The following USP34 variants were observed in gnomAD, a reference collection of about 807,000 sequenced individuals.
USP34 encodes the protein ubiquitin specific peptidase 34.
A neutral mutation model predicts 460.3 loss-of-function variants in USP34; 70 were observed. That is an observed-to-expected ratio of 0.15 (90% CI 0.13 to 0.19). USP34 has a LOEUF of 0.19. USP34 is among the 10% of genes least tolerant of loss of function. The pLI, the probability that USP34 is intolerant of heterozygous loss-of-function variation, is 1.00. For synonymous variants in USP34, 1,647 were observed against 1,405.3 expected (o/e 1.17, Z -3.85); for missense variants, 3,985 against 4,236.2 (o/e 0.94, Z 1.65).
chr2:61,410,645 G>T (rs535984385), intron 2 of USP34, among the ~76,000 whole-genome samples: 1 of 152,122 alleles, frequency 6.6e-6, no homozygotes, highest in South Asian at 2.1e-4. Flanking sequence ...ACCAAAACCA[G>T]CTTGATTTTA....
chr2:61,206,944 A>G (rs1045981992), intron 70 of USP34, 58 bp from the exon 71 acceptor site: 7 of 1,563,808 alleles, frequency 4.5e-6, no homozygotes, highest in Non-Finnish European at 6.1e-6. Context: ...CTGAGCCACA[A>G]AATGGTAGTA....
chr2:61,229,493 A>G, intron 59 of USP34, 55 bp downstream of exon 59: 1 of 1,087,962 alleles, frequency 9.2e-7, no homozygotes, highest in Non-Finnish European at 1.3e-6. Flanking sequence ...AAAAAACAAA[A>G]ACACCACACA....
intron 10 of USP34, among the ~76,000 whole-genome samples, chr2:61,354,652 G>GA (rs1692051823): frequency 6.6e-6 from 1 of 152,166 alleles, no homozygotes; most frequent in Non-Finnish European, 1.5e-5. Context: ...AGCCTGAGCC[G>GA]AAAAGAGTAG....
At chr2:61,360,020 C>T (rs796236205) in intron 10 of USP34, among the ~76,000 whole-genome samples, 2 of 151,788 alleles carry the variant, frequency 1.3e-5, no homozygotes, top group African/African-American at 2.4e-5. Context: ...CCTGACCTCA[C>T]GATCCACCCG....
chr2:61,395,824 G>T (rs1387993558), intron 3 of USP34, among the ~76,000 whole-genome samples: 2 of 150,586 alleles, frequency 1.3e-5, no homozygotes, highest in African/African-American at 4.9e-5. Flanking sequence ...CCAGCACTTT[G>T]GGAGGCCGAG....
intron 33 of USP34, 46 bp from the exon 34 acceptor site, chr2:61,288,923 G>A: frequency 1.3e-6 from 2 of 1,578,410 alleles, no homozygotes; most frequent in Non-Finnish European, 1.7e-6. Context: ...CATTAATTTA[G>A]AATGGCCACA....
chr2:61,203,087 A>T (rs1324601777), intron 75 of USP34, 53 bp downstream of exon 75: 12 of 1,453,748 alleles, frequency 8.3e-6, no homozygotes, highest in Non-Finnish European at 2.7e-6. Flanking sequence ...TTCCTGAATG[A>T]CTAGGGGCTT....
rs1691519182 is a variant in USP34, at chr2:61,339,355, T to A, written c.2740A>T (p.Asn914Tyr). 6.2e-7 allele frequency: 1 copy of A among 1,607,424 alleles called. No homozygotes were observed. The highest frequency in any genetic ancestry group is 1.3e-5 in the African/African-American group (1 of 74,564). Residue 914 changes from asparagine to tyrosine, a missense_variant, in exon 18 of 80, where the codon AAC becomes TAC. Physicochemically the swap from Asn to Tyr is moderately radical, Grantham distance 143 (BLOSUM62 -2). Around this residue, in one of 14 missense-constraint regions of USP34, gnomAD observed 46 missense variants for 83.1 expected, o/e 0.55. Coordinates refer to ENST00000398571, the MANE Select transcript of USP34 (RefSeq NM_014709.4). ...AATTTTTAAATTCCTCTTTACCTGT[T>A]GTTTCCCAAGTTTTCAAGGCAACCT... Reference protein sequence around the residue: ...IEGCLENLGNNRSVVISLRLL... With the variant: ...IEGCLENLGNYRSVVISLRLL...
At position 61,206,111 on chromosome 2, in the gene USP34, T is replaced by G; in HGVS notation, c.9060A>C (p.Ala3020=). The G allele has an allele frequency of 6.2e-7, 1 of 1,613,674 alleles. No homozygotes were observed. Among genetic ancestry groups the G allele is most frequent in the Non-Finnish European group, 8.5e-7 (1 of 1,179,730 alleles). The change falls in exon 72 of 80, where the codon GCA becomes GCC. Residue 3020 remains alanine, a synonymous_variant. Coordinates refer to ENST00000398571, the MANE Select transcript of USP34 (RefSeq NM_014709.4). ...CAATTCGCTCCTGCCACTGGATTAA[T>G]GCTTGTTTCACATCTGCAAATATAA... The part of the protein sequence containing the change: ...PYLQRKDVKQ[A]LIQWQERIEF...
intron 41 of USP34, among the ~76,000 whole-genome samples, chr2:61,273,361 G>C (rs1295080192): frequency 1.3e-5 from 2 of 152,060 alleles, no homozygotes; most frequent in Admixed American, 1.3e-4. Context: ...TAGATGAACT[G>C]ATTCTAAAGT....
intron 16 of USP34, among the ~76,000 whole-genome samples, chr2:61,342,147 T>C (rs1018366712): frequency 1.3e-5 from 2 of 152,150 alleles, no homozygotes; most frequent in Non-Finnish European, 2.9e-5. Flanking sequence ...GTTATGACAG[T>C]TCCAGCTCCA....
At position 61,250,998 on chromosome 2, in the gene USP34, C is replaced by T. The variant is rs550465303; in HGVS notation, c.6222-2315G>A. On this transcript the variant is annotated intron_variant, in intron 48 of 79. Transcript: ENST00000398571. Reference sequence around the variant, plus strand: ...CTAAAAATACAAAAAATTAGCCGGGCGTGGTGGCGGGCGCCTGTAGTCCCA... The same window carrying T: ...CTAAAAATACAAAAAATTAGCCGGGTGTGGTGGCGGGCGCCTGTAGTCCCA... 9.1e-4 allele frequency among the ~76,000 whole-genome samples: 139 copies of T among 152,144 alleles called. 2 individuals are homozygous for T. The highest frequency in any genetic ancestry group is 1.9e-3 in the South Asian group (9 of 4,810).
chr2:61,280,213 C>A, intron 39 of USP34, 31 bp downstream of exon 39: 1 of 1,241,128 alleles, frequency 8.1e-7, no homozygotes, highest in Non-Finnish European at 1.1e-6. Context: ...GAAGAGAATA[C>A]ATAGAATAGT....
At chr2:61,410,055 G>T (rs944124751) in intron 2 of USP34, among the ~76,000 whole-genome samples, 12 of 151,916 alleles carry the variant, frequency 7.9e-5, no homozygotes, top group African/African-American at 2.7e-4. Flanking sequence ...AACCTTTTTG[G>T]CAACAGGGAC....
rs139565239 is a variant in USP34, at chr2:61,435,965, C to T, written c.44-15132G>A. On this transcript the variant is annotated intron_variant, in intron 1 of 79. Coordinates refer to ENST00000398571, the MANE Select transcript of USP34 (RefSeq NM_014709.4). ...ATCGCTTGAACCTGGGAGGCGGAGG[C>T]TGCAGTAAACCAAGATCACCCCATT... 2.3e-4 allele frequency among the ~76,000 whole-genome samples: 35 copies of T among 151,348 alleles called. No homozygotes were observed. The East Asian group carries it at 6.6e-3, about 29-fold the overall frequency.
At chr2:61,294,297 G>C (rs1216507210) in intron 32 of USP34, among the ~76,000 whole-genome samples, 1 of 151,716 alleles carries the variant, frequency 6.6e-6, no homozygotes, top group Non-Finnish European at 1.5e-5. Context: ...AGCAAGCAGA[G>C]ATCGCGCTGC....
chr2:61,403,705 A>T (rs1375556931), intron 3 of USP34, among the ~76,000 whole-genome samples: 2 of 152,038 alleles, frequency 1.3e-5, no homozygotes, highest in African/African-American at 2.4e-5. Flanking sequence ...AAAGCTTTAG[A>T]GGCTGGGCGC....
intron 2 of USP34, among the ~76,000 whole-genome samples, chr2:61,414,720 G>A (rs1040973022): frequency 3.3e-5 from 5 of 152,238 alleles, no homozygotes; most frequent in African/African-American, 1.2e-4. Context: ...GGTGGGAACA[G>A]TCAGAGCAAG....
chr2:61,354,755 C>A (rs778143), intron 10 of USP34, among the ~76,000 whole-genome samples: 49,885 of 152,088 alleles, frequency 0.33, 8,364 homozygotes, highest in Non-Finnish European at 0.38. Context: ...TGTGGAGGAA[C>A]TGAAAGCCTG....
Sources: allele counts gnomAD v4.1 joint callset (sites outside exome capture counted in the v4.1 genomes callset), GRCh38; gene constraint gnomAD v4.1.1; regional missense constraint gnomAD v4.1.1; transcripts MANE v1.5; gene names NCBI Gene and HGNC (gene_info 2026-07-23, HGNC 2026-07-21).